CFAP47: variants seen among roughly 807,000 people sequenced by gnomAD.
The protein encoded by CFAP47 is cilia- and flagella-associated protein 47.
In CFAP47, 29 loss-of-function variants were observed where a neutral mutation model predicts 148.1. The observed-to-expected ratio is 0.20, with a 90% CI of 0.15 to 0.27. The LOEUF (loss-of-function observed/expected upper bound fraction) is 0.27. Among genes scored for constraint, CFAP47 ranks in the 10% least tolerant of loss-of-function variants. The pLI is 1.00. For missense variants in CFAP47, 1,872 were observed against 1,697.5 expected, an observed-to-expected ratio of 1.10 and a Z score of -1.81; for synonymous variants, 664 against 577.3, an observed-to-expected ratio of 1.15 and a Z score of -2.15.
chrX:36,297,316 G>C (rs1481964476), intron 51 of CFAP47, among the ~76,000 whole-genome samples: 1 of 111,845 alleles, frequency 8.9e-6, no homozygotes, highest in Non-Finnish European at 1.9e-5. Flanking sequence ...CTGCCTTGAA[G>C]ATATGTTCCC....
intron 2 of CFAP47, among the ~76,000 whole-genome samples, chrX:35,931,942 C>T (rs59057414): frequency 0.037 from 4,090 of 109,978 alleles, 200 homozygotes; most frequent in African/African-American, 0.13. Flanking sequence ...GTAGCTAGTG[C>T]TTTGCTATTT....
chrX:36,118,942 A>C (rs181437692), intron 33 of CFAP47, among the ~76,000 whole-genome samples: 154 of 112,106 alleles, frequency 1.4e-3, no homozygotes, highest in African/African-American at 4.7e-3. Flanking sequence ...AAGTTTACTG[A>C]ATTTGTTTTT....
At chrX:35,945,502 C>G (rs1245325334) in intron 3 of CFAP47, among the ~76,000 whole-genome samples, 4 of 111,226 alleles carry the variant, frequency 3.6e-5, no homozygotes, top group Non-Finnish European at 7.5e-5. Context: ...TTAACAGCTT[C>G]CCCCAATACT....
intron 23 of CFAP47, 138 bp downstream of exon 23, chrX:36,031,485 G>A (rs1303617662): frequency 1.6e-5 from 4 of 249,389 alleles, no homozygotes; most frequent in African/African-American, 1.1e-4. Flanking sequence ...TATGCTCTTC[G>A]GAGCAAGAAT....
intron 45 of CFAP47, among the ~76,000 whole-genome samples, chrX:36,212,396 C>T (rs1940112014): frequency 1.8e-5 from 2 of 111,314 alleles, no homozygotes; most frequent in Non-Finnish European, 3.8e-5. Flanking sequence ...CCTTCCCAAC[C>T]ACAAATGGAT....
chrX:36,024,443 C>G (rs1031957664), intron 22 of CFAP47, among the ~76,000 whole-genome samples: 4 of 111,654 alleles, frequency 3.6e-5, no homozygotes, highest in Admixed American at 2.8e-4. Context: ...TTAGCTCCCC[C>G]AGCTGGTGTC....
At chrX:35,954,317 A>G (rs2146645757) in intron 7 of CFAP47, among the ~76,000 whole-genome samples, 1 of 111,171 alleles carries the variant, frequency 9.0e-6, no homozygotes, top group Admixed American at 9.6e-5. Flanking sequence ...CAAAGAGAAA[A>G]TAGAGAATTA....
chrX:36,078,037 G>T (rs1423702440), intron 29 of CFAP47, among the ~76,000 whole-genome samples: 1 of 103,184 alleles, frequency 9.7e-6, no homozygotes, highest in African/African-American at 3.5e-5. Flanking sequence ...TCAAAAAAAA[G>T]AAAAAAAAAA....
intron 42 of CFAP47, among the ~76,000 whole-genome samples, chrX:36,191,685 A>ACCG (rs1939867052): frequency 4.5e-5 from 5 of 111,266 alleles, no homozygotes; most frequent in Non-Finnish European, 9.4e-5. Flanking sequence ...CTGCTTTACC[A>ACCG]TTAAGAACCA....
At chrX:36,130,091 G>T (rs1938918900) in intron 33 of CFAP47, among the ~76,000 whole-genome samples, 2 of 111,019 alleles carry the variant, frequency 1.8e-5, no homozygotes. Flanking sequence ...AAATGTAAAA[G>T]CTTCTGCACA....
At chrX:36,222,675 CTGA>C (rs1940225312) in intron 45 of CFAP47, among the ~76,000 whole-genome samples, 1 of 109,371 alleles carries the variant, frequency 9.1e-6, no homozygotes, top group Non-Finnish European at 1.9e-5. Flanking sequence ...TTTTTAACTG[CTGA>C]TTTCTTTTTT....
intron 50 of CFAP47, among the ~76,000 whole-genome samples, chrX:36,282,920 T>C (rs1268600663): frequency 2.7e-5 from 3 of 111,833 alleles, no homozygotes; most frequent in African/African-American, 6.5e-5. Flanking sequence ...ACAAAACATA[T>C]GACATTTAAG....
chrX:35,997,935 A>G (rs895326227), intron 19 of CFAP47, among the ~76,000 whole-genome samples: 5 of 111,188 alleles, frequency 4.5e-5, no homozygotes, highest in African/African-American at 6.5e-5. Flanking sequence ...GTTCATCCCA[A>G]TAGGTATTTC....
chrX:35,930,222 G>T (rs1290890164), intron 2 of CFAP47, among the ~76,000 whole-genome samples: 1 of 111,140 alleles, frequency 9.0e-6, no homozygotes, highest in East Asian at 2.8e-4. Flanking sequence ...GTGATATGAT[G>T]GATTACATTG....
At chrX:36,084,610 A>G (rs1356443218) in intron 29 of CFAP47, among the ~76,000 whole-genome samples, 1 of 111,794 alleles carries the variant, frequency 8.9e-6, no homozygotes, top group African/African-American at 3.2e-5. Flanking sequence ...CAGTTAGACA[A>G]TGTGGTGTGA....
chrX:36,348,612 T>C (rs1243878754), intron 58 of CFAP47, among the ~76,000 whole-genome samples: 1 of 110,532 alleles, frequency 9.0e-6, no homozygotes, highest in Non-Finnish European at 1.9e-5. Flanking sequence ...ACATGGAAAA[T>C]AGTGACTGCT....
chrX:36,061,255 C>A, intron 26 of CFAP47, among the ~76,000 whole-genome samples: 1 of 111,894 alleles, frequency 8.9e-6, no homozygotes, highest in East Asian at 2.8e-4. Context: ...GGCATGCCCT[C>A]CTGTACAGCG....
chrX:36,163,964 C>A (rs1490766574), intron 39 of CFAP47, among the ~76,000 whole-genome samples: 1 of 111,923 alleles, frequency 8.9e-6, no homozygotes, highest in East Asian at 2.8e-4. Context: ...CCAGTTATTT[C>A]GGAGTATGTT....
At position 35,989,331 on chromosome X, in the gene CFAP47, C is replaced by A. The variant is rs1220595708; in HGVS notation, c.2726C>A (p.Ala909Glu). Residue 909 changes from alanine (A) to glutamate (E), a missense_variant, in exon 16 of 64, where the codon GCA becomes GAA. Coordinates refer to ENST00000378653, the MANE Select transcript of CFAP47 (RefSeq NM_001304548.2). ...SICPAKGTVE[A>E]YSSLECEVTW... ...ACATTTTCCGTAGGCACTGTTGAAGCATATTCCTCACTGGAATGTGAAGTA... is the reference window on the plus strand; with the variant it reads ...ACATTTTCCGTAGGCACTGTTGAAGAATATTCCTCACTGGAATGTGAAGTA... 1 of 1,203,156 alleles carries A rather than the reference C, an allele frequency of 8.3e-7. No homozygotes were observed. Among genetic ancestry groups the A allele is most frequent in the South Asian group, 1.8e-5 (1 of 56,686 alleles).
Sources: gnomAD v4.1 joint callset for allele counts (sites outside exome capture counted in the v4.1 genomes callset) on GRCh38, gnomAD v4.1.1 for gene constraint, MANE v1.5 for transcripts, NCBI Gene and HGNC (gene_info 2026-07-23, HGNC 2026-07-21) for gene names.